The following CRYL1 variants were observed in gnomAD, a reference collection of about 807,000 sequenced individuals.
CRYL1 encodes crystallin lambda 1.
A neutral mutation model predicts 36.6 loss-of-function variants in CRYL1; 29 were observed. The ratio of observed to expected loss-of-function variants is 0.79; its 90% CI spans 0.59 to 1.08. CRYL1 has a LOEUF of 1.08. Ranked by LOEUF, CRYL1 falls within the 50% of genes least tolerant of loss-of-function variation. CRYL1 has a pLI of 0.00. For missense variants in CRYL1, 411 were observed against 407.9 expected (o/e 1.01, Z -0.06); for synonymous variants, 152 against 151.5 (o/e 1.00, Z -0.02).
chr13:20,446,107 T>A (rs1306609505), intron 3 of CRYL1, among the ~76,000 whole-genome samples: 1 of 152,084 alleles, frequency 6.6e-6, no homozygotes, highest in East Asian at 1.9e-4. Context: ...TTTTTAATTA[T>A]TTATTTTTTA....
intron 3 of CRYL1, among the ~76,000 whole-genome samples, chr13:20,459,032 A>T (rs185879653): frequency 2.0e-5 from 3 of 152,080 alleles, no homozygotes; most frequent in Non-Finnish European, 4.4e-5. Context: ...TCAGGAGATC[A>T]AGACCATCCT....
chr13:20,472,658 C>G (rs1392741375), intron 3 of CRYL1, among the ~76,000 whole-genome samples: 1 of 152,242 alleles, frequency 6.6e-6, no homozygotes, highest in African/African-American at 2.4e-5. Flanking sequence ...AGATGGGATT[C>G]TGATAGCTTA....
At chr13:20,478,813 C>T (rs1284511027) in intron 3 of CRYL1, among the ~76,000 whole-genome samples, 2 of 152,116 alleles carry the variant, frequency 1.3e-5, no homozygotes, top group East Asian at 1.9e-4. Context: ...AGTGCAGTGG[C>T]GCGATCTTGG....
intron 6 of CRYL1, among the ~76,000 whole-genome samples, chr13:20,409,843 A>G (rs2031473835): frequency 6.6e-6 from 1 of 152,184 alleles, no homozygotes; most frequent in Admixed American, 6.5e-5. Flanking sequence ...ATACCATCTC[A>G]CACCAGTTAG....
At chr13:20,483,727 G>A (rs1433473255) in intron 3 of CRYL1, among the ~76,000 whole-genome samples, 1 of 152,108 alleles carries the variant, frequency 6.6e-6, no homozygotes, top group Non-Finnish European at 1.5e-5. Flanking sequence ...TTTTGGTAGA[G>A]ACGGGGTTTC....
At chr13:20,406,107 G>A (rs924386015) in intron 6 of CRYL1, 1 of 152,272 alleles carries the variant, frequency 6.6e-6, no homozygotes, top group East Asian at 1.9e-4. Context: ...ACCCTTAAAG[G>A]CTCAGCAGCT....
intron 2 of CRYL1, among the ~76,000 whole-genome samples, chr13:20,506,109 G>A (rs2137499193): frequency 6.6e-6 from 1 of 152,194 alleles, no homozygotes; most frequent in Non-Finnish European, 1.5e-5. Context: ...TAAGAATCCA[G>A]TACTTCCTAG....
At chr13:20,503,996 G>A (rs2033748804) in intron 2 of CRYL1, among the ~76,000 whole-genome samples, 1 of 152,152 alleles carries the variant, frequency 6.6e-6, no homozygotes, top group African/African-American at 2.4e-5. Context: ...TGGGTGCCAG[G>A]GTGACCATGT....
At position 20,492,268 on chromosome 13, in the gene CRYL1, T is replaced by TA. The variant is rs538059522; in HGVS notation, c.150-2773dup. ...GTTACACAACTCTGTAAACATACTA[T>TA]AAAACCACTGAATTGGACGTGTCAA... On this transcript the variant is annotated intron_variant, in intron 2 of 7. Coordinates refer to ENST00000298248, the MANE Select transcript of CRYL1 (RefSeq NM_015974.3). 4.5e-4 allele frequency among the ~76,000 whole-genome samples: 69 copies of TA among 152,362 alleles called. 1 individual carries two copies. The highest frequency in any genetic ancestry group is 3.4e-3 in the Middle Eastern group (1 of 294).
chr13:20,504,432 T>C (rs2033758230), intron 2 of CRYL1, among the ~76,000 whole-genome samples: 2 of 151,506 alleles, frequency 1.3e-5, no homozygotes, highest in African/African-American at 2.4e-5. Context: ...GCCTCCTGAG[T>C]AGCTGCGATT....
intron 3 of CRYL1, among the ~76,000 whole-genome samples, chr13:20,461,501 A>G (rs982354611): frequency 2.6e-5 from 4 of 152,204 alleles, no homozygotes; most frequent in Non-Finnish European, 5.9e-5. Context: ...AATCTTTATT[A>G]AAAAGACCTG....
intron 2 of CRYL1, among the ~76,000 whole-genome samples, chr13:20,505,383 T>C (rs1163009259): frequency 2.3e-5 from 2 of 85,222 alleles, no homozygotes; most frequent in African/African-American, 4.0e-5. Context: ...AAAAAAAAAA[T>C]CAGAATATGG....
At chr13:20,485,756 T>G (rs764839474) in intron 3 of CRYL1, among the ~76,000 whole-genome samples, 26 of 151,850 alleles carry the variant, frequency 1.7e-4, no homozygotes, top group Admixed American at 7.9e-4. Flanking sequence ...AAAAATGAAC[T>G]GCTGATTCTT....
chr13:20,519,028 G>A (rs1593505595), intron 1 of CRYL1, among the ~76,000 whole-genome samples: 2 of 152,170 alleles, frequency 1.3e-5, no homozygotes. Flanking sequence ...GCAAATCGCT[G>A]GCTGTAAGTA....
At chr13:20,494,528 TAGTG>T (rs763730700) in intron 2 of CRYL1, among the ~76,000 whole-genome samples, 3 of 152,138 alleles carry the variant, frequency 2.0e-5, no homozygotes, top group South Asian at 2.1e-4. Context: ...TCTGGGAACA[TAGTG>T]AGTAACCATT....
At position 20,512,385 on chromosome 13, in the gene CRYL1, A is replaced by G. The variant is rs555069076; in HGVS notation, c.149+58T>C. 34 of 1,218,420 alleles carry G rather than the reference A, an allele frequency of 2.8e-5. 1 individual carries two copies. In the South Asian group the frequency reaches 3.8e-4, roughly 14 times the overall value. The allele number at this position is 1,218,420 out of a possible 1,614,324, so 75.5% of individuals were successfully genotyped here. A position where few individuals can be genotyped will look rare whatever the true frequency, so the allele number is the denominator to read the frequency against. On this transcript the variant is annotated intron_variant, in intron 2 of 7. Coordinates refer to ENST00000298248, the MANE Select transcript of CRYL1 (RefSeq NM_015974.3). Reference sequence around the variant, plus strand: ...TAGCCTTGAGGATATGACAAACAAGACCAACTGAGAGAAACAGACCCACTT... The same window carrying G: ...TAGCCTTGAGGATATGACAAACAAGGCCAACTGAGAGAAACAGACCCACTT...
At chr13:20,413,224 C>CA (rs2031568373) in intron 6 of CRYL1, 58 bp downstream of exon 6, 2 of 1,249,026 alleles carry the variant, frequency 1.6e-6, no homozygotes, top group Non-Finnish European at 2.3e-6. Flanking sequence ...TGACTGTTTA[C>CA]AAAACCCATG....
chr13:20,519,605 A>AAGGCG (rs2034060405), intron 1 of CRYL1, among the ~76,000 whole-genome samples: 1 of 141,608 alleles, frequency 7.1e-6, no homozygotes, highest in Non-Finnish European at 1.5e-5. Context: ...TTGGGAAGGG[A>AAGGCG]AGGGGAGGGG....
chr13:20,462,783 C>T (rs185634987), intron 3 of CRYL1, among the ~76,000 whole-genome samples: 18 of 151,792 alleles, frequency 1.2e-4, no homozygotes, highest in Admixed American at 1.0e-3. Flanking sequence ...CCTGCAGGAA[C>T]GGTACCATCC....
Sources: allele counts gnomAD v4.1 joint callset (sites outside exome capture counted in the v4.1 genomes callset), GRCh38; gene constraint gnomAD v4.1.1; transcripts MANE v1.5; gene names NCBI Gene and HGNC (gene_info 2026-07-23, HGNC 2026-07-21).